The following RNF150 variants were observed in gnomAD, a reference collection of about 807,000 sequenced individuals.
RNF150 encodes ring finger protein 150.
A neutral mutation model predicts 39.3 loss-of-function variants in RNF150; 24 were observed. The observed-to-expected ratio is 0.61, with a 90% CI of 0.44 to 0.86. The LOEUF is 0.86. Among genes scored for constraint, RNF150 ranks in the 40% least tolerant of loss-of-function variants. The pLI is 0.00. For missense variants in RNF150, 502 were observed against 587.8 expected (o/e 0.85, Z 1.51); for synonymous variants, 255 against 227.3 (o/e 1.12, Z -1.10).
intron 2 of RNF150, among the ~76,000 whole-genome samples, chr4:140,964,213 GGACTCT>G (rs1733148557): frequency 6.6e-6 from 1 of 152,100 alleles, no homozygotes; most frequent in African/African-American, 2.4e-5. Context: ...CTAAGGGCAT[GGACTCT>G]GGAGTTCTGC....
intron 1 of RNF150, among the ~76,000 whole-genome samples, chr4:141,072,989 A>C (rs1392341169): frequency 6.6e-6 from 1 of 152,154 alleles, no homozygotes; most frequent in Admixed American, 6.5e-5. Context: ...CTTGCTTGAT[A>C]GGTAAACCAT....
chr4:141,115,180 C>G (rs1054858780), intron 1 of RNF150, among the ~76,000 whole-genome samples: 1 of 152,010 alleles, frequency 6.6e-6, no homozygotes, highest in Non-Finnish European at 1.5e-5. Context: ...TGTATTCAAA[C>G]AGGAAGAGAG....
intron 1 of RNF150, among the ~76,000 whole-genome samples, chr4:141,147,734 G>C (rs1429299495): frequency 6.6e-6 from 1 of 151,784 alleles, no homozygotes; most frequent in Non-Finnish European, 1.5e-5. Flanking sequence ...GCATAGCTGA[G>C]AGAGAGAGAA....
Position 141,132,975 on chromosome 4 carries a change from G to A in RNF150, c.-167C>T. On this transcript the variant is annotated 5_prime_UTR_variant, in exon 1 of 7. Coordinates refer to ENST00000515673, the MANE Select transcript of RNF150 (RefSeq NM_020724.2). This position sits in a 1 kb window ranked among gnomAD's most constrained non-coding sequence, Gnocchi z 4.9. ...GCAGCCGCCGCGGGGACCGGATTCC[G>A]GGCGAGCGGATGGCGCTGGCCCCTT... is the stretch of plus-strand genomic sequence containing the variant. 1 of 575,198 alleles carries A rather than the reference G, an allele frequency of 1.7e-6. No homozygotes were observed. Among genetic ancestry groups the A allele is most frequent in the African/African-American group, 2.0e-5 (1 of 49,436 alleles). The allele number at this position is 575,198 out of a possible 1,614,324, so 35.6% of individuals were successfully genotyped here. A position where few individuals can be genotyped will look rare whatever the true frequency, so the allele number is the denominator to read the frequency against.
intron 1 of RNF150, among the ~76,000 whole-genome samples, chr4:141,104,546 T>C (rs1489056551): frequency 2.6e-5 from 4 of 152,166 alleles, no homozygotes; most frequent in Non-Finnish European, 4.4e-5. Context: ...TAAGATTAGA[T>C]TGGTACATTC....
intron 1 of RNF150, among the ~76,000 whole-genome samples, chr4:141,047,195 T>A (rs1395664): frequency 1.3e-5 from 2 of 152,024 alleles, no homozygotes; most frequent in African/African-American, 4.8e-5. Context: ...CATCTGAAAA[T>A]ATTTAGAAAG....
At chr4:141,185,991 C>A (rs1728000979) in intron 1 of RNF150, among the ~76,000 whole-genome samples, 1 of 152,088 alleles carries the variant, frequency 6.6e-6, no homozygotes, top group African/African-American at 2.4e-5. Flanking sequence ...ACTGAAATTT[C>A]CTTTTTCTGT....
intron 6 of RNF150, among the ~76,000 whole-genome samples, chr4:140,878,480 G>C (rs1317717439): frequency 6.6e-6 from 1 of 151,804 alleles, no homozygotes; most frequent in Non-Finnish European, 1.5e-5. Flanking sequence ...GCCTCATTGT[G>C]GTTTTGATTC....
At chr4:140,983,850 G>A (rs1258311633) in intron 1 of RNF150, among the ~76,000 whole-genome samples, 2 of 149,484 alleles carry the variant, frequency 1.3e-5, no homozygotes, top group Non-Finnish European at 1.5e-5. Context: ...AGTGATTTTC[G>A]TGTCTCAGCC....
intron 1 of RNF150, among the ~76,000 whole-genome samples, chr4:140,973,874 TAA>T (rs566506401): frequency 1.4e-4 from 16 of 110,504 alleles, no homozygotes; most frequent in Middle Eastern, 4.8e-3. Flanking sequence ...AGACTCTGTT[TAA>T]AAAAAAAAAA....
intron 1 of RNF150, among the ~76,000 whole-genome samples, chr4:141,080,978 T>A (rs1255689711): frequency 6.6e-6 from 1 of 152,122 alleles, no homozygotes; most frequent in African/African-American, 2.4e-5. Context: ...GAGTGACCTG[T>A]TTACCGGATC....
At chr4:141,106,987 C>T (rs1419840334) in intron 1 of RNF150, among the ~76,000 whole-genome samples, 3 of 152,144 alleles carry the variant, frequency 2.0e-5, no homozygotes, top group Middle Eastern at 3.4e-3. Context: ...ATCTTTAAAT[C>T]TCTATTCTTT....
chr4:141,207,221 A>G (rs1480815443), intron 1 of RNF150, among the ~76,000 whole-genome samples: 1 of 151,982 alleles, frequency 6.6e-6, no homozygotes, highest in East Asian at 1.9e-4. Flanking sequence ...TTGACACCTA[A>G]TATTAACCAT....
At chr4:140,946,287 T>TGACA (rs1051808251) in intron 4 of RNF150, among the ~76,000 whole-genome samples, 8 of 152,256 alleles carry the variant, frequency 5.3e-5, no homozygotes, top group Non-Finnish European at 1.0e-4. Flanking sequence ...TCAATTTTAG[T>TGACA]ATCCTGTCAC....
intron 5 of RNF150, among the ~76,000 whole-genome samples, chr4:140,920,769 A>G (rs1030840387): frequency 7.2e-5 from 11 of 152,006 alleles, no homozygotes; most frequent in African/African-American, 2.4e-4. Flanking sequence ...TCACGATAGC[A>G]AAGACTTGGA....
intron 1 of RNF150, among the ~76,000 whole-genome samples, chr4:141,091,790 T>C: frequency 6.6e-6 from 1 of 152,296 alleles, no homozygotes; most frequent in African/African-American, 2.4e-5. Context: ...CTGACTCATA[T>C]GAAACAAGCT....
At chr4:141,106,630 T>C (rs1282122704) in intron 1 of RNF150, among the ~76,000 whole-genome samples, 2 of 151,898 alleles carry the variant, frequency 1.3e-5, no homozygotes, top group Admixed American at 6.6e-5. Flanking sequence ...CCATCTCTAC[T>C]AAAAATACAA....
intron 5 of RNF150, among the ~76,000 whole-genome samples, chr4:140,922,382 A>G (rs7437914): frequency 0.54 from 78,471 of 144,308 alleles, 21,937 homozygotes; most frequent in East Asian, 0.89. Flanking sequence ...GCTTCAAAGA[A>G]AATAAAATAC....
chr4:141,194,145 G>A (rs1728159558), intron 1 of RNF150, among the ~76,000 whole-genome samples: 1 of 152,136 alleles, frequency 6.6e-6, no homozygotes, highest in African/African-American at 2.4e-5. Context: ...ATCATCGATG[G>A]AAAAAATCTG....
Sources: allele counts gnomAD v4.1 joint callset (sites outside exome capture counted in the v4.1 genomes callset), GRCh38; gene constraint gnomAD v4.1.1; non-coding constraint Gnocchi (gnomAD v3.1); transcripts MANE v1.5; gene names NCBI Gene and HGNC (gene_info 2026-07-23, HGNC 2026-07-21).